Variants in SORT1 observed in about 807,000 individuals in gnomAD.
The protein encoded by SORT1 is sortilin.
SORT1 carries 39 observed loss-of-function variants against 101.7 expected under a neutral mutation model. The observed-to-expected ratio is 0.38, with a 90% CI of 0.30 to 0.50. The LOEUF (loss-of-function observed/expected upper bound fraction) is 0.50. Among genes scored for constraint, SORT1 ranks in the 20% least tolerant of loss-of-function variants. The pLI is 0.90. For missense variants in SORT1, 878 were observed against 1,040.4 expected (o/e 0.84, Z 2.15); for synonymous variants, 396 against 393.7 (o/e 1.01, Z -0.07).
In SORT1 at chr1:109,397,573, C is replaced by T. The variant is rs754506702; in HGVS notation, c.306+14G>A. 1.4e-5 allele frequency: 17 copies of T among 1,188,464 alleles called. No homozygotes were observed. In the South Asian group the frequency reaches 3.4e-4, roughly 24 times the overall value. 73.6% of individuals were successfully genotyped at this position (1,188,464 alleles called of 1,614,324 possible). On this transcript the variant is annotated intron_variant, in intron 1 of 19. Transcript: ENST00000256637. ...CTCGCACCCGAGCGGCTCCCGGGCC[C>T]GGCGCCCGCTCACCTGGTGCGTGTT...
At chr1:109,351,062 G>C (rs1193825700) in intron 5 of SORT1, 60 bp from the exon 6 acceptor site, 1 of 1,082,214 alleles carries the variant, frequency 9.2e-7, no homozygotes, top group Non-Finnish European at 1.4e-6. Flanking sequence ...TTGCTTGTAT[G>C]ACCTTTAATA....
At chr1:109,391,365 G>C (rs1652907487) in intron 1 of SORT1, among the ~76,000 whole-genome samples, 1 of 152,122 alleles carries the variant, frequency 6.6e-6, no homozygotes. Flanking sequence ...TTTGGAATCA[G>C]CCAGGAAAAC....
intron 3 of SORT1, among the ~76,000 whole-genome samples, chr1:109,360,919 C>T (rs1279210257): frequency 6.6e-6 from 1 of 152,172 alleles, no homozygotes; most frequent in Non-Finnish European, 1.5e-5. Flanking sequence ...CTCTGTGGTC[C>T]TTGAAATCTG....
rs1264718240 is a variant in SORT1 at position 109,310,073 on chromosome 1, G to C, written c.*3970C>G. 1 of 152,622 alleles carries C rather than the reference G, an allele frequency of 6.6e-6. No homozygotes were observed. Among genetic ancestry groups the C allele is most frequent in the African/African-American group, 2.4e-5 (1 of 41,418 alleles). The allele number at this position is 152,622 out of a possible 1,614,324, so 9.5% of individuals were successfully genotyped here. On this transcript the variant is annotated 3_prime_UTR_variant, in exon 20 of 20. Coordinates refer to ENST00000256637, the MANE Select transcript of SORT1 (RefSeq NM_002959.7). ...GGGAACAGTCAGTCACCCGCTTGTG[G>C]CTGAGGGCATGCGGAGGATGAGAAC...
chr1:109,313,729 G>A lies in SORT1; in HGVS notation c.*314C>T, dbSNP rs1365927579. 7 of 396,438 alleles carry A rather than the reference G, an allele frequency of 1.8e-5. No homozygotes were observed. Among genetic ancestry groups the A allele is most frequent in the East Asian group, 5.0e-5 (1 of 20,072 alleles). 24.6% of individuals were successfully genotyped at this position (396,438 alleles called of 1,614,324 possible). On this transcript the variant is annotated 3_prime_UTR_variant, in exon 20 of 20. Transcript: ENST00000256637. ...GTGGGGTTAGTGAAAAGGTCCCTTC[G>A]AATTCCATTTCGTTTCCCTTAAAAA...
At chr1:109,378,376 C>A (rs1408609211) in intron 1 of SORT1, among the ~76,000 whole-genome samples, 1 of 151,150 alleles carries the variant, frequency 6.6e-6, no homozygotes, top group Non-Finnish European at 1.5e-5. Context: ...CTTGAAAGAC[C>A]CAAAGAAAGC....
At chr1:109,321,441 G>GTGA (rs1402026302) in intron 15 of SORT1, among the ~76,000 whole-genome samples, 1 of 152,168 alleles carries the variant, frequency 6.6e-6, no homozygotes, top group African/African-American at 2.4e-5. Flanking sequence ...AGAAGCACAG[G>GTGA]TGAAGAGCTT....
intron 4 of SORT1, among the ~76,000 whole-genome samples, chr1:109,354,925 G>A (rs1037815715): frequency 1.3e-5 from 2 of 152,044 alleles, no homozygotes; most frequent in Admixed American, 6.6e-5. Flanking sequence ...TTATATGATC[G>A]ATATTAAATT....
intron 3 of SORT1, among the ~76,000 whole-genome samples, chr1:109,360,176 T>G (rs991278555): frequency 6.6e-6 from 1 of 152,044 alleles, no homozygotes; most frequent in Non-Finnish European, 1.5e-5. Flanking sequence ...CTCTACAAAG[T>G]ATACAAAATT....
intron 17 of SORT1, among the ~76,000 whole-genome samples, chr1:109,316,026 C>T (rs1299977107): frequency 6.6e-6 from 1 of 152,084 alleles, no homozygotes; most frequent in Non-Finnish European, 1.5e-5. Context: ...TCCCAAAGTG[C>T]TGGGACTATA....
intron 14 of SORT1, among the ~76,000 whole-genome samples, chr1:109,324,098 G>A (rs1387655795): frequency 2.0e-5 from 3 of 150,316 alleles, no homozygotes; most frequent in Non-Finnish European, 4.4e-5. Flanking sequence ...CTTAACTACA[G>A]GTCATCCTTT....
intron 17 of SORT1, among the ~76,000 whole-genome samples, chr1:109,316,487 CT>C (rs777874240): frequency 6.6e-5 from 10 of 152,196 alleles, no homozygotes; most frequent in Non-Finnish European, 1.3e-4. Flanking sequence ...CTGCCTTGGA[CT>C]TCCAAAGTGC....
intron 17 of SORT1, among the ~76,000 whole-genome samples, 184 bp downstream of exon 17, chr1:109,316,666 G>A (rs908971508): frequency 6.6e-6 from 1 of 152,202 alleles, no homozygotes; most frequent in South Asian, 2.1e-4. Flanking sequence ...TCAGTAGGGT[G>A]AGCTTATCAC....
chr1:109,375,582 A>G (rs1651782459), intron 1 of SORT1, among the ~76,000 whole-genome samples: 1 of 148,968 alleles, frequency 6.7e-6, no homozygotes, highest in African/African-American at 2.4e-5. Flanking sequence ...AATTTCCCCA[A>G]ATGTGATGAA....
intron 3 of SORT1, among the ~76,000 whole-genome samples, chr1:109,356,028 C>T (rs1030273533): frequency 6.6e-6 from 1 of 152,100 alleles, no homozygotes; most frequent in African/African-American, 2.4e-5. Flanking sequence ...CGTGTCACCA[C>T]GCCTGGCTAA....
chr1:109,324,194 T>A (rs554985554), intron 14 of SORT1, among the ~76,000 whole-genome samples: 2 of 152,080 alleles, frequency 1.3e-5, no homozygotes, highest in East Asian at 3.9e-4. Context: ...AATGGCATGA[T>A]CTTGGCTCAT....
chr1:109,351,855 G>T (rs1570938024), intron 5 of SORT1, among the ~76,000 whole-genome samples: 1 of 152,190 alleles, frequency 6.6e-6, no homozygotes, highest in East Asian at 1.9e-4. Context: ...AGTTCGGTAA[G>T]AGCTAATGAG....
Position 109,397,583 on chromosome 1 carries a change from T to A in SORT1, c.306+4A>T. 8.2e-7 allele frequency: 1 copy of A among 1,217,458 alleles called. No individual in the cohort carries two copies. Among genetic ancestry groups the A allele is most frequent in the Non-Finnish European group, 1.0e-6 (1 of 968,168 alleles). The allele number at this position is 1,217,458 out of a possible 1,614,324, so 75.4% of individuals were successfully genotyped here. On this transcript the variant is annotated splice_donor_region_variant and intron_variant, in intron 1 of 19. Transcript: ENST00000256637. The stretch of plus-strand genomic sequence containing the variant: ...AGCGGCTCCCGGGCCCGGCGCCCGC[T>A]CACCTGGTGCGTGTTGTTGGCCAGC...
At chr1:109,317,000 A>G (rs763129635) in intron 16 of SORT1, 42 bp from the exon 17 acceptor site, 1 of 1,243,172 alleles carries the variant, frequency 8.0e-7, no homozygotes, top group Non-Finnish European at 1.2e-6. Flanking sequence ...ATAAGGATGT[A>G]TTCCTGGGTA....
Sources: gnomAD v4.1 joint callset for allele counts (sites outside exome capture counted in the v4.1 genomes callset) on GRCh38, gnomAD v4.1.1 for gene constraint, MANE v1.5 for transcripts, NCBI Gene and HGNC (gene_info 2026-07-23, HGNC 2026-07-21) for gene names.